The following BCAS3 variants were observed in gnomAD, a reference collection of about 807,000 sequenced individuals.
BCAS3 encodes the protein BCAS3 microtubule associated cell migration factor.
Under a neutral mutation model 116.1 loss-of-function variants are expected in BCAS3, and 53 were observed. The observed-to-expected ratio is 0.46, with a 90% CI of 0.37 to 0.57. The LOEUF (loss-of-function observed/expected upper bound fraction) is 0.57. Among genes scored for constraint, BCAS3 ranks in the 20% least tolerant of loss-of-function variants. The pLI, the probability that BCAS3 is intolerant of heterozygous loss-of-function variation, is 0.00. For missense variants in BCAS3, 917 were observed against 1,165.4 expected (o/e 0.79, Z 3.10); for synonymous variants, 391 against 408.2 (o/e 0.96, Z 0.51).
At position 61,162,092 on chromosome 17, in the gene BCAS3, A is replaced by T. The variant is rs2078202047; in HGVS notation, c.2425+77528A>T. On this transcript the variant is annotated intron_variant, in intron 22 of 23. Transcript: ENST00000407086. This position sits in a 1 kb window ranked among gnomAD's most constrained non-coding sequence, Gnocchi z 5.6. ...AATATAAAGTTTGATCTGTATGTGG[A>T]TGGTTTTACTACCCCAAATGAAATG... is the stretch of plus-strand genomic sequence containing the variant. Among the ~76,000 whole-genome samples the T allele has an allele frequency of 2.0e-5, 3 of 152,132 alleles. No homozygotes were observed. In the South Asian group the frequency reaches 6.2e-4, roughly 32 times the overall value.
rs539054675 is a variant in BCAS3, at chr17:60,732,753, C to T, written c.322-14445C>T. ...ACTCAGGAGGCTGAGGCAGGAGAAT[C>T]GCTTGAACCTGGGAGGCGGAGGTTG... On this transcript the variant is annotated intron_variant, in intron 5 of 23. Transcript: ENST00000407086. 1.3e-4 allele frequency among the ~76,000 whole-genome samples: 20 copies of T among 152,182 alleles called. No individual in the cohort carries two copies. The East Asian group carries it at 2.9e-3, about 22-fold the overall frequency.
chr17:61,230,838 GCT>G (rs563776267), intron 22 of BCAS3, among the ~76,000 whole-genome samples: 14 of 152,172 alleles, frequency 9.2e-5, no homozygotes, highest in Middle Eastern at 3.4e-3. Context: ...TCAAATGGTA[GCT>G]CTGTTTTAAG....
At position 61,354,445 on chromosome 17, in the gene BCAS3, A is replaced by G. The variant is rs1478275107; in HGVS notation, c.2426-13882A>G. On this transcript the variant is annotated intron_variant, in intron 22 of 23. Coordinates refer to ENST00000407086, the MANE Select transcript of BCAS3 (RefSeq NM_017679.5). This position sits in a 1 kb window ranked among gnomAD's most constrained non-coding sequence, Gnocchi z 4.5. ...CCATCACCCCTCTGTGCAAGGTGCAAGGTCCTCTGCCCACCTGAAGCCTCA... is the reference window on the plus strand; with the variant it reads ...CCATCACCCCTCTGTGCAAGGTGCAGGGTCCTCTGCCCACCTGAAGCCTCA... The G allele has an allele frequency of 6.6e-6, 1 of 152,280 alleles. No homozygotes were observed. Among genetic ancestry groups the G allele is most frequent in the Non-Finnish European group, 1.5e-5 (1 of 68,106 alleles). The allele number at this position is 152,280 out of a possible 1,614,324, so 9.4% of individuals were successfully genotyped here. A position where few individuals can be genotyped will look rare whatever the true frequency, so the allele number is the denominator to read the frequency against.
chr17:61,236,180 A>T (rs2083043309), intron 22 of BCAS3, among the ~76,000 whole-genome samples: 1 of 152,212 alleles, frequency 6.6e-6, no homozygotes, highest in African/African-American at 2.4e-5. Flanking sequence ...TCCTGGCAAC[A>T]TCTGTCCCCA....
rs150115883 is a variant in BCAS3 at position 61,040,082 on chromosome 17, G to A, written c.1929-710G>A. 2.2e-4 allele frequency among the ~76,000 whole-genome samples: 34 copies of A among 152,202 alleles called. 1 individual carries two copies. The East Asian group carries it at 3.3e-3, about 15-fold the overall frequency. On this transcript the variant is annotated intron_variant, in intron 18 of 23. Transcript: ENST00000407086. Reference sequence around the variant, plus strand: ...TAAAACCTCTTTAATATAGTTCATTGTCCAGGAAAGAAAAAATTGCTCCTG... The same window carrying A: ...TAAAACCTCTTTAATATAGTTCATTATCCAGGAAAGAAAAAATTGCTCCTG...
At chr17:60,835,750 T>C (rs971251206) in intron 7 of BCAS3, among the ~76,000 whole-genome samples, 3 of 152,090 alleles carry the variant, frequency 2.0e-5, no homozygotes, top group Admixed American at 6.5e-5. Context: ...GTAAAGCCTT[T>C]ATAACAATGG....
Position 61,097,219 on chromosome 17 carries a change from C to T in BCAS3, c.2425+12655C>T, listed in dbSNP as rs759708712. 9.2e-5 allele frequency among the ~76,000 whole-genome samples: 14 copies of T among 152,126 alleles called. No individual in the cohort carries two copies. The highest frequency in any genetic ancestry group is 1.8e-4 in the Non-Finnish European group (12 of 68,026). ...TTTGAGACTGAGTCTCGCTCTGTCA[C>T]CCAGGCTGGAGTGCAGTGGCGCAAT... is the stretch of plus-strand genomic sequence containing the variant. On this transcript the variant is annotated intron_variant, in intron 22 of 23. Coordinates refer to ENST00000407086, the MANE Select transcript of BCAS3 (RefSeq NM_017679.5). The surrounding 1 kb of genome is among the most constrained non-coding windows in gnomAD (Gnocchi z 4.0).
At position 61,097,405 on chromosome 17, in the gene BCAS3, C is replaced by T. The variant is rs888908937; in HGVS notation, c.2425+12841C>T. On this transcript the variant is annotated intron_variant, in intron 22 of 23. Coordinates refer to ENST00000407086, the MANE Select transcript of BCAS3 (RefSeq NM_017679.5). The surrounding 1 kb of genome is among the most constrained non-coding windows in gnomAD (Gnocchi z 4.0). Reference sequence around the variant, plus strand: ...ATGTTAGCCAGGATGGTCTCGATCTCCTGACCTTGTGATCCGCCTGCCTCG... The same window carrying T: ...ATGTTAGCCAGGATGGTCTCGATCTTCTGACCTTGTGATCCGCCTGCCTCG... Among the ~76,000 whole-genome samples, 4 of 152,152 alleles carry T rather than the reference C, an allele frequency of 2.6e-5. No individual in the cohort carries two copies. Among genetic ancestry groups the T allele is most frequent in the African/African-American group, 9.7e-5 (4 of 41,434 alleles).
chr17:60,988,342 T>C (rs953163229), intron 14 of BCAS3, among the ~76,000 whole-genome samples: 2 of 126,804 alleles, frequency 1.6e-5, no homozygotes, highest in Non-Finnish European at 3.1e-5. Context: ...CTTTTTCTTT[T>C]TTTTTTTTTT....
chr17:60,789,182 A>G (rs1045137927), intron 6 of BCAS3, among the ~76,000 whole-genome samples: 1 of 152,206 alleles, frequency 6.6e-6, no homozygotes, highest in Non-Finnish European at 1.5e-5. Context: ...CCTTAACATC[A>G]AAAGAGAAGA....
intron 14 of BCAS3, among the ~76,000 whole-genome samples, chr17:60,971,481 T>TG (rs1171262829): frequency 6.6e-6 from 1 of 152,144 alleles, no homozygotes; most frequent in Non-Finnish European, 1.5e-5. Flanking sequence ...GAATTAAAGC[T>TG]GGGGTGATGG....
At chr17:61,289,851 T>C (rs2052214314) in intron 22 of BCAS3, among the ~76,000 whole-genome samples, 1 of 152,202 alleles carries the variant, frequency 6.6e-6, no homozygotes, top group South Asian at 2.1e-4. Flanking sequence ...TTTTGCACCA[T>C]CTTAAGCCAT....
Position 61,324,952 on chromosome 17 carries a change from G to C in BCAS3, c.2426-43375G>C, listed in dbSNP as rs891989318. 3.9e-5 allele frequency among the ~76,000 whole-genome samples: 6 copies of C among 152,208 alleles called. No individual in the cohort carries two copies. In the South Asian group the frequency reaches 1.2e-3, roughly 31 times the overall value. ...AGAAGAAAAGTTTGAGCTGCTAGAGGAGAAAGAGGAAACAGTTTAAAAATT... is the reference window on the plus strand; with the variant it reads ...AGAAGAAAAGTTTGAGCTGCTAGAGCAGAAAGAGGAAACAGTTTAAAAATT... On this transcript the variant is annotated intron_variant, in intron 22 of 23. Transcript: ENST00000407086. The surrounding 1 kb of genome is among the most constrained non-coding windows in gnomAD (Gnocchi z 4.6).
intron 22 of BCAS3, among the ~76,000 whole-genome samples, chr17:61,238,445 A>T (rs924256714): frequency 4.0e-5 from 6 of 150,730 alleles, no homozygotes; most frequent in African/African-American, 1.5e-4. Flanking sequence ...CTGGTCTCGA[A>T]CTCCTGACCT....
At chr17:60,819,232 A>G (rs567403428) in intron 7 of BCAS3, among the ~76,000 whole-genome samples, 2 of 152,278 alleles carry the variant, frequency 1.3e-5, no homozygotes, top group South Asian at 2.1e-4. Flanking sequence ...TGATAAGGCA[A>G]AGGGCCCGGA....
At position 61,203,165 on chromosome 17, in the gene BCAS3, C is replaced by A. The variant is rs1010276652; in HGVS notation, c.2425+118601C>A. ...ACAATTTCAAGACTTCTCTTTTATT[C>A]TTCTTTTTTTCGAGACAGTTTCACT... On this transcript the variant is annotated intron_variant, in intron 22 of 23. Transcript: ENST00000407086. The surrounding 1 kb of genome is among the most constrained non-coding windows in gnomAD (Gnocchi z 5.7). Among the ~76,000 whole-genome samples, 38 of 151,894 alleles carry A rather than the reference C, an allele frequency of 2.5e-4. No homozygotes were observed. The highest frequency in any genetic ancestry group is 5.6e-4 in the African/African-American group (23 of 41,348).
chr17:61,388,789 C>T lies in BCAS3; in HGVS notation c.2594-3188C>T, dbSNP rs1469298773. 1 of 1,264,206 alleles carries T rather than the reference C, an allele frequency of 7.9e-7. No homozygotes were observed. Among genetic ancestry groups the T allele is most frequent in the East Asian group, 2.5e-5 (1 of 39,414 alleles). The allele number at this position is 1,264,206 out of a possible 1,614,324, so 78.3% of individuals were successfully genotyped here. On this transcript the variant is annotated intron_variant, in intron 23 of 23. Coordinates refer to ENST00000407086, the MANE Select transcript of BCAS3 (RefSeq NM_017679.5). The surrounding 1 kb of genome is among the most constrained non-coding windows in gnomAD (Gnocchi z 6.5). ...ACTTGGAGGGGGGAATCTGAGCAGC[C>T]CTCCTCCCCTCCACTTCCCACACAC... is the stretch of plus-strand genomic sequence containing the variant.
At position 60,926,774 on chromosome 17, in the gene BCAS3, G is replaced by A. The variant is rs1443962659; in HGVS notation, c.1087+2274G>A. On this transcript the variant is annotated intron_variant, in intron 13 of 23. Transcript: ENST00000407086. ...AGCTGTATTTTTTTCCTGTGACTTT[G>A]CATTATAAGAAGAACATATTATATA... Among the ~76,000 whole-genome samples the A allele has an allele frequency of 3.3e-5, 5 of 152,050 alleles. No individual in the cohort carries two copies. The East Asian group carries it at 5.8e-4, about 18-fold the overall frequency.
intron 12 of BCAS3, among the ~76,000 whole-genome samples, chr17:60,916,595 T>G (rs183141806): frequency 6.6e-6 from 1 of 152,318 alleles, no homozygotes; most frequent in East Asian, 1.9e-4. Context: ...TTTATAAGAT[T>G]ATATTTGATG....
Sources: allele counts gnomAD v4.1 joint callset (sites outside exome capture counted in the v4.1 genomes callset), GRCh38; gene constraint gnomAD v4.1.1; non-coding constraint Gnocchi (gnomAD v3.1); transcripts MANE v1.5; gene names NCBI Gene and HGNC (gene_info 2026-07-23, HGNC 2026-07-21).